Variants in CNIH3 observed in about 807,000 individuals in gnomAD.
The protein encoded by CNIH3 is cornichon family AMPA receptor auxiliary protein 3, also known as protein cornichon homolog 3.
A neutral mutation model predicts 24.1 loss-of-function variants in CNIH3; 14 were observed. That is an observed-to-expected ratio of 0.58 (90% CI 0.38 to 0.91). The LOEUF (loss-of-function observed/expected upper bound fraction) is 0.91, where lower values mean the gene tolerates loss of function less well. Among genes scored for constraint, CNIH3 ranks in the 40% least tolerant of loss-of-function variants. The pLI is 0.00. For missense variants in CNIH3, 178 were observed against 196.8 expected (o/e 0.90, Z 0.57); for synonymous variants, 68 against 73.8 (o/e 0.92, Z 0.40).
intron 1 of CNIH3, among the ~76,000 whole-genome samples, chr1:224,446,678 CAAATT>C (rs1312991722): frequency 6.6e-6 from 1 of 152,150 alleles, no homozygotes; most frequent in East Asian, 1.9e-4. Context: ...TTAAAAGACT[CAAATT>C]AAGTCTGAAT....
At chr1:224,561,073 G>A (rs1029107919) in intron 3 of CNIH3, among the ~76,000 whole-genome samples, 4 of 152,038 alleles carry the variant, frequency 2.6e-5, no homozygotes, top group Non-Finnish European at 4.4e-5. Flanking sequence ...GTTCTACTGG[G>A]TTCTCTGTTA....
chr1:224,486,097 TCTTTTA>T (rs2124833616), intron 1 of CNIH3, among the ~76,000 whole-genome samples: 1 of 152,032 alleles, frequency 6.6e-6, no homozygotes, highest in African/African-American at 2.4e-5. Context: ...TCTCAAATAT[TCTTTTA>T]CTTTGTATTT....
intron 3 of CNIH3, among the ~76,000 whole-genome samples, chr1:224,710,924 T>C (rs565966677): frequency 1.3e-5 from 2 of 152,242 alleles, no homozygotes; most frequent in Non-Finnish European, 2.9e-5. Context: ...ATATCTTGTG[T>C]ACATGTTTTA....
intron 3 of CNIH3, among the ~76,000 whole-genome samples, chr1:224,552,318 T>C (rs1275482388): frequency 6.6e-6 from 1 of 151,650 alleles, no homozygotes; most frequent in African/African-American, 2.4e-5. Flanking sequence ...AGGAGAAATA[T>C]ATCCTCTCCC....
chr1:224,729,412 CAAAAAAAAAAAAAA>C (rs1184318000), intron 3 of CNIH3, among the ~76,000 whole-genome samples: 2 of 44,594 alleles, frequency 4.5e-5, no homozygotes, highest in Non-Finnish European at 8.8e-5. Context: ...ACTATGTCTC[CAAAAAAAAAAAAAA>C]AAAAAAAAAG....
At chr1:224,463,830 G>T (rs1242559229) in intron 1 of CNIH3, among the ~76,000 whole-genome samples, 1 of 117,902 alleles carries the variant, frequency 8.5e-6, no homozygotes. Flanking sequence ...TCGCTCTGTC[G>T]CCCAGGCTGG....
intron 2 of CNIH3, among the ~76,000 whole-genome samples, chr1:224,525,243 C>T (rs552879369): frequency 6.6e-5 from 10 of 152,300 alleles, no homozygotes; most frequent in Admixed American, 2.0e-4. Flanking sequence ...CAAACACTTC[C>T]GTGTGTTTTG....
chr1:224,615,190 T>G (rs1454914460), upstream of CNIH3: 1 of 152,210 alleles, frequency 6.6e-6, no homozygotes, highest in Non-Finnish European at 1.5e-5. Context: ...AATAGTTATT[T>G]ATCTAGTTCC....
intron 5 of CNIH3, among the ~76,000 whole-genome samples, chr1:224,583,439 T>C (rs893232840): frequency 8.5e-5 from 13 of 152,096 alleles, no homozygotes; most frequent in African/African-American, 2.7e-4. Flanking sequence ...AAAATCTGAG[T>C]TGCATATGGG....
At chr1:224,673,790 G>A (rs1026839986) in intron 1 of CNIH3, among the ~76,000 whole-genome samples, 2 of 149,664 alleles carry the variant, frequency 1.3e-5, no homozygotes, top group African/African-American at 5.0e-5. Flanking sequence ...CAGGTACATC[G>A]TGGGTATCTA....
At chr1:224,544,015 A>T (rs1389841916) in intron 2 of CNIH3, among the ~76,000 whole-genome samples, 2 of 152,158 alleles carry the variant, frequency 1.3e-5, no homozygotes, top group East Asian at 3.9e-4. Flanking sequence ...AACCTACAGG[A>T]TCAGATTCTA....
At chr1:224,613,709 C>T (rs890501461), upstream of CNIH3, among the ~76,000 whole-genome samples, 1 of 152,150 alleles carries the variant, frequency 6.6e-6, no homozygotes, top group African/African-American at 2.4e-5. Context: ...CACTCTCTTG[C>T]TCTTGCTTTT....
At chr1:224,575,169 A>G in intron 4 of CNIH3, 1 of 1,052,706 alleles carries the variant, frequency 9.5e-7, no homozygotes, top group Non-Finnish European at 1.5e-6. Context: ...ACACAATAAA[A>G]CTACAGCCCA....
intron 1 of CNIH3, among the ~76,000 whole-genome samples, chr1:224,632,354 C>T (rs1440504248): frequency 6.6e-6 from 1 of 152,054 alleles, no homozygotes; most frequent in East Asian, 1.9e-4. Context: ...CTACACTGAA[C>T]AGATACCTAG....
chr1:224,649,757 G>T (rs1684779896), intron 1 of CNIH3, among the ~76,000 whole-genome samples: 1 of 152,188 alleles, frequency 6.6e-6, no homozygotes, highest in South Asian at 2.1e-4. Context: ...TCCACCAAAT[G>T]CAGGGTCTGC....
At chr1:224,660,159 T>G (rs772652767) in intron 1 of CNIH3, among the ~76,000 whole-genome samples, 1 of 152,328 alleles carries the variant, frequency 6.6e-6, no homozygotes, top group Non-Finnish European at 1.5e-5. Flanking sequence ...CTAGGCAATT[T>G]ACAAAAGAAA....
intron 1 of CNIH3, chr1:224,454,303 C>A: frequency 2.1e-6 from 2 of 942,532 alleles, no homozygotes; most frequent in Non-Finnish European, 2.5e-6. Context: ...TGTCCTTCCA[C>A]TCTATCAACT....
At chr1:224,440,978 G>A (rs1020672356) in intron 1 of CNIH3, among the ~76,000 whole-genome samples, 11 of 151,944 alleles carry the variant, frequency 7.2e-5, no homozygotes, top group Non-Finnish European at 1.6e-4. Context: ...CACCATGCCC[G>A]GCTAATTTTT....
At chr1:224,501,505 C>CTATATATA (rs201461305) in intron 1 of CNIH3, among the ~76,000 whole-genome samples, 5 of 142,302 alleles carry the variant, frequency 3.5e-5, no homozygotes, top group African/African-American at 1.3e-4. Context: ...AGGCTTGAAC[C>CTATATATA]TATATATATA....
Sources: allele counts gnomAD v4.1 joint callset (sites outside exome capture counted in the v4.1 genomes callset), GRCh38; gene constraint gnomAD v4.1.1; transcripts MANE v1.5; gene names NCBI Gene and HGNC (gene_info 2026-07-23, HGNC 2026-07-21).